SLC44A1: variants seen among roughly 807,000 people sequenced by gnomAD.
SLC44A1 encodes the protein choline transporter-like protein 1.
SLC44A1 carries 26 observed loss-of-function variants against 79.3 expected under a neutral mutation model. The ratio of observed to expected loss-of-function variants is 0.33; its 90% confidence interval spans 0.24 to 0.46. The LOEUF (loss-of-function observed/expected upper bound fraction) is 0.46. SLC44A1 is among the 20% of genes least tolerant of loss of function. SLC44A1 has a pLI of 1.00. For synonymous variants in SLC44A1, 263 were observed against 286.2 expected, an observed-to-expected ratio of 0.92 and a Z score of 0.82; for missense variants, 688 against 798.1, an observed-to-expected ratio of 0.86 and a Z score of 1.66.
intron 15 of SLC44A1, among the ~76,000 whole-genome samples, chr9:105,419,246 T>C (rs1194914433): frequency 3.9e-5 from 6 of 152,186 alleles, no homozygotes; most frequent in African/African-American, 1.4e-4. Context: ...AGCTGGTGCC[T>C]GATATGGGGA....
chr9:105,352,056 T>C (rs1346128334), intron 5 of SLC44A1, among the ~76,000 whole-genome samples: 1 of 151,872 alleles, frequency 6.6e-6, no homozygotes, highest in African/African-American at 2.4e-5. Context: ...AGTCTGGAAG[T>C]TCAAAACCAG....
chr9:105,267,174 T>C (rs1829981111), intron 1 of SLC44A1, among the ~76,000 whole-genome samples: 1 of 152,218 alleles, frequency 6.6e-6, no homozygotes. Flanking sequence ...TTGGAAATTA[T>C]TTTTCCTCAG....
chr9:105,265,893 AT>A (rs1363256318), intron 1 of SLC44A1, among the ~76,000 whole-genome samples: 1 of 152,078 alleles, frequency 6.6e-6, no homozygotes, highest in Admixed American at 6.5e-5. Context: ...TCATGTACTT[AT>A]TTAACATCTG....
intron 15 of SLC44A1, among the ~76,000 whole-genome samples, chr9:105,436,023 C>T (rs1255389314): frequency 6.6e-6 from 1 of 152,154 alleles, no homozygotes; most frequent in Non-Finnish European, 1.5e-5. Flanking sequence ...TATGGCAAAA[C>T]CCCATCTCTA....
At chr9:105,385,974 C>G in intron 15 of SLC44A1, 1 of 985,382 alleles carries the variant, frequency 1.0e-6, no homozygotes, top group Non-Finnish European at 1.2e-6. Context: ...CTGTCCTTTT[C>G]CCTTGGCTGA....
At chr9:105,257,189 C>T (rs531120573) in intron 1 of SLC44A1, among the ~76,000 whole-genome samples, 7 of 152,220 alleles carry the variant, frequency 4.6e-5, no homozygotes, top group South Asian at 2.1e-4. Context: ...CTCCGCATCC[C>T]GGGTTCAAGC....
In SLC44A1 at chr9:105,261,777, T is replaced by C. The variant is rs535117017; in HGVS notation, c.36+16873T>C. ...TGAATCTGTGTTTCTCTCTCTCTCT[T>C]TTTTTTTTTTTTTTTTTTTTGAGAG... On this transcript the variant is annotated intron_variant, in intron 1 of 15. Coordinates refer to ENST00000374720, the MANE Select transcript of SLC44A1 (RefSeq NM_080546.5). Among the ~76,000 whole-genome samples the C allele has an allele frequency of 2.6e-3, 308 of 119,970 alleles. 1 individual carries two copies. The highest frequency in any genetic ancestry group is 0.011 in the African/African-American group (253 of 23,240). 78.7% of individuals were successfully genotyped at this position (119,970 alleles called of 152,430 possible).
In SLC44A1 at chr9:105,389,302, C is replaced by G. The variant is rs1405658415; in HGVS notation, c.*246C>G. 3.4e-6 allele frequency: 4 copies of G among 1,193,994 alleles called. No homozygotes were observed. Among genetic ancestry groups the G allele is most frequent in the Non-Finnish European group, 4.2e-6 (4 of 962,760 alleles). 74.0% of individuals were successfully genotyped at this position (1,193,994 alleles called of 1,614,324 possible). A position where few individuals can be genotyped will look rare whatever the true frequency, so the allele number is the denominator to read the frequency against. ...ACGGGTGGCTTTTACAAGGCAACTTCCGTCATTTAATGTTTTCAACTGTAA... is the reference window on the plus strand; with the variant it reads ...ACGGGTGGCTTTTACAAGGCAACTTGCGTCATTTAATGTTTTCAACTGTAA... On this transcript the variant is annotated 3_prime_UTR_variant, in exon 16 of 16. Transcript: ENST00000374720.
intron 2 of SLC44A1, among the ~76,000 whole-genome samples, chr9:105,308,840 A>C (rs1423351281): frequency 6.6e-6 from 1 of 152,260 alleles, no homozygotes; most frequent in Non-Finnish European, 1.5e-5. Context: ...CAATACAATC[A>C]ATTTATCAGT....
At chr9:105,249,414 CT>C (rs1829528177) in intron 1 of SLC44A1, among the ~76,000 whole-genome samples, 1 of 151,816 alleles carries the variant, frequency 6.6e-6, no homozygotes, top group African/African-American at 2.4e-5. Context: ...GGCATGAAGC[CT>C]TTTTTTTCCT....
chr9:105,244,959 C>T (rs927265731), intron 1 of SLC44A1, 55 bp downstream of exon 1: 178 of 1,015,300 alleles, frequency 1.8e-4, no homozygotes, highest in Non-Finnish European at 2.1e-4. Flanking sequence ...TGCGCCGCGT[C>T]GCGCGGCGGG....
At chr9:105,375,044 TG>T (rs1030312968) in intron 13 of SLC44A1, among the ~76,000 whole-genome samples, 26 of 152,278 alleles carry the variant, frequency 1.7e-4, no homozygotes, top group Admixed American at 1.6e-3. Context: ...TGTTGTTGTT[TG>T]TTTGTTTGTT....
chr9:105,245,938 TAC>T (rs982811524), intron 1 of SLC44A1, among the ~76,000 whole-genome samples: 4 of 152,234 alleles, frequency 2.6e-5, no homozygotes, highest in African/African-American at 4.8e-5. Context: ...CGAGTGTATT[TAC>T]AAATACTATA....
rs1588762555 is a variant in SLC44A1 at position 105,309,097 on chromosome 9, A to ACAGCTTTAT, written c.127-627_127-626insCAGCTTTAT. 2.0e-5 allele frequency among the ~76,000 whole-genome samples: 3 copies of ACAGCTTTAT among 152,314 alleles called. No homozygotes were observed. The East Asian group carries it at 5.8e-4, about 29-fold the overall frequency. ...GAGCATGGCAGTGCTTCACGATGTA[A>ACAGCTTTAT]TTCTTTGACTTGTATACAGCTTTAT... On this transcript the variant is annotated intron_variant, in intron 2 of 15. Coordinates refer to ENST00000374720, the MANE Select transcript of SLC44A1 (RefSeq NM_080546.5).
chr9:105,249,323 G>A (rs1219237595), intron 1 of SLC44A1, among the ~76,000 whole-genome samples: 1 of 152,046 alleles, frequency 6.6e-6, no homozygotes, highest in African/African-American at 2.4e-5. Flanking sequence ...GAGTGTAGTG[G>A]GAATTACCCA....
At chr9:105,338,028 C>A (rs1234042213) in intron 4 of SLC44A1, among the ~76,000 whole-genome samples, 1 of 152,146 alleles carries the variant, frequency 6.6e-6, no homozygotes, top group Non-Finnish European at 1.5e-5. Flanking sequence ...TAAATTGGTG[C>A]CTAGCTACAA....
chr9:105,383,249 C>T lies in SLC44A1; in HGVS notation c.1759C>T (p.Leu587=), dbSNP rs528500613. The T allele has an allele frequency of 4.3e-6, 7 of 1,613,874 alleles. No individual in the cohort carries two copies. In the South Asian group the frequency reaches 6.6e-5, roughly 15 times the overall value. The change falls in exon 14 of 16, where the codon CTG becomes TTG. Residue 587 remains leucine, a synonymous_variant. Coordinates refer to ENST00000374720, the MANE Select transcript of SLC44A1 (RefSeq NM_080546.5). ...LFAFLVAHCF[L]SIYEMVVDVL... ...TGCTTTCCTAGTCGCTCATTGCTTC[C>T]TGTCTATTTATGAAATGGTAGTGGA...
chr9:105,299,977 C>T (rs1394902425), intron 2 of SLC44A1: 5 of 980,688 alleles, frequency 5.1e-6, no homozygotes, highest in Non-Finnish European at 6.1e-6. Context: ...ACTCACTCTG[C>T]CCTACAGGAG....
intron 15 of SLC44A1, among the ~76,000 whole-genome samples, chr9:105,406,913 T>G (rs1829036348): frequency 6.6e-6 from 1 of 151,736 alleles, no homozygotes; most frequent in South Asian, 2.1e-4. Context: ...ATAGAAGACA[T>G]CAATAAAAAT....
Sources: gnomAD v4.1 joint callset for allele counts (sites outside exome capture counted in the v4.1 genomes callset) on GRCh38, gnomAD v4.1.1 for gene constraint, MANE v1.5 for transcripts, NCBI Gene and HGNC (gene_info 2026-07-23, HGNC 2026-07-21) for gene names.